The following HMCN1 variants were observed in gnomAD, a reference collection of about 807,000 sequenced individuals.
HMCN1 encodes hemicentin 1, also known as hemicentin-1.
HMCN1 carries 321 observed loss-of-function variants against 625.9 expected under a neutral mutation model. That is an observed-to-expected ratio of 0.51 (90% confidence interval 0.47 to 0.56). The LOEUF (loss-of-function observed/expected upper bound fraction) is 0.56. HMCN1 is among the 20% of genes least tolerant of loss of function. The pLI is 0.00. For synonymous variants in HMCN1, 2,425 were observed against 2,417.6 expected (o/e 1.00, Z -0.09); for missense variants, 6,588 against 6,887.3 (o/e 0.96, Z 1.54).
In HMCN1 at chr1:185,970,472, A is replaced by G; in HGVS notation, c.2350A>G (p.Lys784Glu). The G allele has an allele frequency of 6.2e-7, 1 of 1,613,884 alleles. No individual in the cohort carries two copies. Among genetic ancestry groups the G allele is most frequent in the Non-Finnish European group, 8.5e-7 (1 of 1,179,778 alleles). The change falls in exon 15 of 107, where the codon AAG (lysine) becomes GAG (glutamate). Residue 784 changes from lysine to glutamate, a missense_variant. Coordinates refer to ENST00000271588, the MANE Select transcript of HMCN1 (RefSeq NM_031935.3). ...CAATGAGGCTGGAAGAGCAACTGGC[A>G]AGATAACTCTGGATGTTGGCTGTAA... ...AINEAGRATGKITLDVGSPPV... is the reference protein window; with the variant it reads ...AINEAGRATGEITLDVGSPPV...
At chr1:185,807,563 A>G (rs1052005001) in intron 1 of HMCN1, among the ~76,000 whole-genome samples, 1 of 152,202 alleles carries the variant, frequency 6.6e-6, no homozygotes, top group African/African-American at 2.4e-5. Flanking sequence ...TCATGCATAC[A>G]TATTTGAAAG....
chr1:186,087,728 T>C, intron 60 of HMCN1, 83 bp downstream of exon 60: 1 of 1,336,868 alleles, frequency 7.5e-7, no homozygotes, highest in Non-Finnish European at 1.1e-6. Context: ...TATTCCCTTT[T>C]ACTACAGTGA....
intron 4 of HMCN1, among the ~76,000 whole-genome samples, chr1:185,904,261 C>T (rs139767227): frequency 2.8e-4 from 42 of 151,972 alleles, no homozygotes; most frequent in Admixed American, 9.9e-4. Flanking sequence ...GAGATAGGCT[C>T]TTCTGGTTAT....
chr1:185,838,388 G>T (rs549024146), intron 1 of HMCN1, among the ~76,000 whole-genome samples: 1 of 152,322 alleles, frequency 6.6e-6, no homozygotes, highest in Admixed American at 6.5e-5. Flanking sequence ...GGTGCTGCCA[G>T]CCTGGAGAGG....
intron 97 of HMCN1, among the ~76,000 whole-genome samples, chr1:186,162,698 G>A (rs190429169): frequency 2.0e-5 from 3 of 152,244 alleles, no homozygotes; most frequent in African/African-American, 7.2e-5. Flanking sequence ...TGTTTGCCTG[G>A]GTATCAGCAG....
chr1:185,784,936 C>T (rs1281359437), intron 1 of HMCN1, among the ~76,000 whole-genome samples: 4 of 152,174 alleles, frequency 2.6e-5, no homozygotes, highest in Non-Finnish European at 5.9e-5. Context: ...ATACATTTTG[C>T]ATATAAGTGG....
intron 45 of HMCN1, 42 bp from the exon 46 acceptor site, chr1:186,057,192 A>G (rs1238283751): frequency 1.3e-5 from 20 of 1,522,702 alleles, no homozygotes; most frequent in Non-Finnish European, 1.8e-5. Context: ...ATATCAGGCA[A>G]CTAATATTTC....
At chr1:185,925,420 TTCAAATGTTGAC>T (rs1212929305) in intron 9 of HMCN1, among the ~76,000 whole-genome samples, 2 of 152,218 alleles carry the variant, frequency 1.3e-5, no homozygotes, top group Non-Finnish European at 2.9e-5. Context: ...CTTGAACATA[TTCAAATGTTGAC>T]TCATGTGTTA....
chr1:186,003,171 G>T (rs769285030), intron 28 of HMCN1, among the ~76,000 whole-genome samples: 1 of 152,132 alleles, frequency 6.6e-6, no homozygotes, highest in Non-Finnish European at 1.5e-5. Context: ...TGTGAAAGGG[G>T]ACGACTAGAC....
intron 2 of HMCN1, among the ~76,000 whole-genome samples, chr1:185,861,579 G>A (rs1662870543): frequency 1.3e-5 from 2 of 152,092 alleles, no homozygotes; most frequent in Admixed American, 6.5e-5. Flanking sequence ...ATACAAAATT[G>A]GCTGCAAGTA....
At chr1:186,152,942 C>T in intron 96 of HMCN1, 71 bp downstream of exon 96, 1 of 1,575,784 alleles carries the variant, frequency 6.3e-7, no homozygotes, top group Admixed American at 1.7e-5. Flanking sequence ...ATAGAATGAG[C>T]ACAGATAACT....
intron 1 of HMCN1, among the ~76,000 whole-genome samples, chr1:185,835,768 G>A (rs184689144): frequency 5.9e-5 from 9 of 151,958 alleles, no homozygotes; most frequent in Admixed American, 2.6e-4. Context: ...AAAAAAGCAA[G>A]ACAGACATTT....
In HMCN1 at chr1:185,815,674, GA is replaced by G. The variant is rs550238287; in HGVS notation, c.269-30343del. Reference sequence around the variant, plus strand: ...CAGTTTTGGCTGGCTATGCAACCTAGAAAAAAAAAGACCGATCTTAGTATGT... The same window carrying G: ...CAGTTTTGGCTGGCTATGCAACCTAGAAAAAAAAGACCGATCTTAGTATGT... On this transcript the variant is annotated intron_variant, in intron 1 of 106. Coordinates refer to ENST00000271588, the MANE Select transcript of HMCN1 (RefSeq NM_031935.3). 3.4e-5 allele frequency among the ~76,000 whole-genome samples: 5 copies of G among 147,610 alleles called. No homozygotes were observed. The East Asian group carries it at 5.8e-4, about 17-fold the overall frequency.
At position 186,000,172 on chromosome 1, in the gene HMCN1, G is replaced by C; in HGVS notation, c.4002G>C (p.Gly1334=). ...CTTCTGTTACACCCTATGACAATGG[G>C]GAGTACATCTGTGTGGCAGTCAATG... is the stretch of plus-strand genomic sequence containing the variant. ...VIASVTPYDN[G]EYICVAVNEA... is the part of the protein sequence containing the mutation. The change falls in exon 26 of 107, where the codon GGG becomes GGC. Residue 1334 remains glycine (G), a synonymous_variant. Coordinates refer to ENST00000271588, the MANE Select transcript of HMCN1 (RefSeq NM_031935.3). 6.2e-7 allele frequency: 1 copy of C among 1,613,122 alleles called. No individual in the cohort carries two copies. The highest frequency in any genetic ancestry group is 8.5e-7 in the Non-Finnish European group (1 of 1,179,404).
At chr1:186,156,600 T>C (rs531028399) in intron 97 of HMCN1, among the ~76,000 whole-genome samples, 1 of 152,310 alleles carries the variant, frequency 6.6e-6, no homozygotes, top group East Asian at 1.9e-4. Context: ...GTGTCTCCAA[T>C]AGCCTTTCAA....
chr1:185,784,703 G>T (rs1571347531), intron 1 of HMCN1, among the ~76,000 whole-genome samples: 1 of 152,140 alleles, frequency 6.6e-6, no homozygotes, highest in East Asian at 1.9e-4. Flanking sequence ...CCCTTGCATT[G>T]TCTGCTTATT....
chr1:185,957,974 T>C (rs1649743390), intron 11 of HMCN1, among the ~76,000 whole-genome samples: 1 of 152,162 alleles, frequency 6.6e-6, no homozygotes, highest in Admixed American at 6.5e-5. Context: ...AGGAAAAAAA[T>C]CTAATTTTAT....
In HMCN1 at chr1:186,117,100, G is replaced by C; in HGVS notation, c.11668G>C (p.Asp3890His). Residue 3890 changes from aspartate (D) to histidine (H), a missense_variant, in exon 76 of 107, where the codon GAT becomes CAT. Asp to His is a moderately conservative substitution (Grantham distance 81). This residue lies in a region of HMCN1 where 4,628 missense variants were observed against 4,853.1 expected (regional missense o/e 0.95). Transcript: ENST00000271588. ...NGAGDDKRTV[D>H]LTVQVPPSIA... ...TGCTGGAGATGATAAAAGAACTGTG[G>C]ATCTCACTGTCCAAGGTAGAATTGG... 1 of 1,613,352 alleles carries C rather than the reference G, an allele frequency of 6.2e-7. No homozygotes were observed. The highest frequency in any genetic ancestry group is 8.5e-7 in the Non-Finnish European group (1 of 1,179,494).
chr1:186,094,079 A>G (rs1196017430), intron 66 of HMCN1, among the ~76,000 whole-genome samples, 197 bp from the exon 67 acceptor site: 2 of 152,064 alleles, frequency 1.3e-5, no homozygotes, highest in East Asian at 3.9e-4. Context: ...TCAGTGGTTT[A>G]TTGTCACTGC....
Sources: allele counts gnomAD v4.1 joint callset (sites outside exome capture counted in the v4.1 genomes callset), GRCh38; gene constraint gnomAD v4.1.1; regional missense constraint gnomAD v4.1.1; transcripts MANE v1.5; gene names NCBI Gene and HGNC (gene_info 2026-07-23, HGNC 2026-07-21).